The following MICU1 variants were observed in gnomAD, a reference collection of about 807,000 sequenced individuals.
The protein encoded by MICU1 is calcium uptake protein 1, mitochondrial.
A neutral mutation model predicts 56.8 loss-of-function variants in MICU1; 45 were observed. That is an observed-to-expected ratio of 0.79 (90% CI 0.62 to 1.02). The LOEUF (loss-of-function observed/expected upper bound fraction) is 1.02, where lower values mean the gene tolerates loss of function less well. Ranked by LOEUF, MICU1 falls within the 50% of genes least tolerant of loss-of-function variation. MICU1 has a pLI of 0.00. For missense variants in MICU1, 504 were observed against 587.1 expected, an observed-to-expected ratio of 0.86 and a Z score of 1.46; for synonymous variants, 186 against 195.1, an observed-to-expected ratio of 0.95 and a Z score of 0.39.
At chr10:72,525,695 G>A (rs2132393911) in intron 5 of MICU1, among the ~76,000 whole-genome samples, 1 of 152,286 alleles carries the variant, frequency 6.6e-6, no homozygotes, top group Non-Finnish European at 1.5e-5. Flanking sequence ...TATGATAGCA[G>A]AGAACTCCTT....
chr10:72,429,944 T>C (rs1473653339), intron 8 of MICU1, among the ~76,000 whole-genome samples: 1 of 152,204 alleles, frequency 6.6e-6, no homozygotes, highest in East Asian at 1.9e-4. Flanking sequence ...GAGAAATTTC[T>C]CTCTGGTCTC....
intron 1 of MICU1, among the ~76,000 whole-genome samples, chr10:72,611,427 C>T (rs1462645822): frequency 6.6e-6 from 1 of 152,020 alleles, no homozygotes; most frequent in Non-Finnish European, 1.5e-5. Context: ...GCCTGGCCAA[C>T]ATGGCGAAAC....
At chr10:72,580,901 G>T (rs181916321) in intron 1 of MICU1, among the ~76,000 whole-genome samples, 3 of 152,224 alleles carry the variant, frequency 2.0e-5, no homozygotes, top group Admixed American at 6.5e-5. Flanking sequence ...TATTCCAGAA[G>T]TTTCATCTTC....
intron 4 of MICU1, among the ~76,000 whole-genome samples, chr10:72,535,363 G>A (rs2132414177): frequency 6.6e-6 from 1 of 152,138 alleles, no homozygotes; most frequent in Non-Finnish European, 1.5e-5. Flanking sequence ...ACTGTCAAAA[G>A]ATGAGGATAA....
At chr10:72,448,119 ATATGTGTGTGTG>A (rs1422702972) in intron 8 of MICU1, among the ~76,000 whole-genome samples, 1 of 47,648 alleles carries the variant, frequency 2.1e-5, no homozygotes, top group African/African-American at 4.6e-5. Flanking sequence ...AAGTTTATAT[ATATGTGTGTGTG>A]TGTGTGTGTG....
At chr10:72,374,840 A>T (rs11000275) in intron 11 of MICU1, among the ~76,000 whole-genome samples, 1 of 116,910 alleles carries the variant, frequency 8.6e-6, no homozygotes, top group Admixed American at 9.4e-5. Flanking sequence ...TTTTTGAGAT[A>T]GAGTCTCGCT....
At position 72,567,864 on chromosome 10, in the gene MICU1, T is replaced by C. The variant is rs183831137; in HGVS notation, c.-1-1070A>G. ...TCTCTCTACTGACAAAGTTTAACAG[T>C]AACTGGCAAGGGAAAAACTTCCAGT... On this transcript the variant is annotated intron_variant, in intron 1 of 11. Coordinates refer to ENST00000361114, the MANE Select transcript of MICU1 (RefSeq NM_001195518.2). Among the ~76,000 whole-genome samples, 108 of 152,142 alleles carry C rather than the reference T, an allele frequency of 7.1e-4. 1 individual carries two copies. The highest frequency in any genetic ancestry group is 2.1e-3 in the South Asian group (10 of 4,822).
intron 1 of MICU1, among the ~76,000 whole-genome samples, chr10:72,622,526 C>T (rs1294141480): frequency 6.6e-6 from 1 of 152,154 alleles, no homozygotes; most frequent in Admixed American, 6.6e-5. Flanking sequence ...TACAGTGGTG[C>T]GCTGGAACTG....
chr10:72,476,466 TC>T (rs1253630944), intron 7 of MICU1, among the ~76,000 whole-genome samples: 1 of 151,982 alleles, frequency 6.6e-6, no homozygotes, highest in African/African-American at 2.4e-5. Flanking sequence ...CCTCAAGTGG[TC>T]CCCCAACCGC....
At chr10:72,568,815 C>A (rs1840514185) in intron 1 of MICU1, among the ~76,000 whole-genome samples, 1 of 134,854 alleles carries the variant, frequency 7.4e-6, no homozygotes, top group South Asian at 2.3e-4. Context: ...TACAGTGGCG[C>A]AATCTCGGCT....
intron 5 of MICU1, among the ~76,000 whole-genome samples, chr10:72,518,340 CT>C (rs1564914990): frequency 6.6e-6 from 1 of 151,610 alleles, no homozygotes; most frequent in Non-Finnish European, 1.5e-5. Context: ...GGCCTGTTTT[CT>C]TTTTTAAAAA....
chr10:72,410,283 T>C (rs1005001655), intron 9 of MICU1, among the ~76,000 whole-genome samples: 5 of 152,218 alleles, frequency 3.3e-5, no homozygotes, highest in African/African-American at 1.2e-4. Context: ...TTGGCAATTA[T>C]GAACAGTGAT....
At chr10:72,418,665 C>T (rs1372388975) in intron 9 of MICU1, among the ~76,000 whole-genome samples, 4 of 152,160 alleles carry the variant, frequency 2.6e-5, no homozygotes, top group Non-Finnish European at 4.4e-5. Flanking sequence ...TTGTTTGATA[C>T]CTTGATACAG....
chr10:72,539,930 A>G (rs1360517028), intron 4 of MICU1, among the ~76,000 whole-genome samples: 4 of 152,198 alleles, frequency 2.6e-5, no homozygotes, highest in Non-Finnish European at 1.5e-5. Context: ...GTGAAGAGGA[A>G]TGTACTCTAT....
At chr10:72,378,649 C>T (rs1221419102) in intron 10 of MICU1, among the ~76,000 whole-genome samples, 1 of 152,160 alleles carries the variant, frequency 6.6e-6, no homozygotes, top group African/African-American at 2.4e-5. Context: ...ACAGTGCCCC[C>T]AACATCAGCA....
At chr10:72,616,208 T>C (rs1841976034) in intron 1 of MICU1, among the ~76,000 whole-genome samples, 1 of 152,164 alleles carries the variant, frequency 6.6e-6, no homozygotes, top group Non-Finnish European at 1.5e-5. Context: ...ATGCCAGACA[T>C]TGTGAATTTT....
intron 8 of MICU1, among the ~76,000 whole-genome samples, chr10:72,461,860 G>C (rs1450119841): frequency 6.6e-6 from 1 of 152,206 alleles, no homozygotes; most frequent in Non-Finnish European, 1.5e-5. Flanking sequence ...TGAGGCAGGA[G>C]AAGTGCTTGA....
intron 8 of MICU1, among the ~76,000 whole-genome samples, chr10:72,425,862 G>C (rs1864329983): frequency 6.6e-6 from 1 of 152,096 alleles, no homozygotes; most frequent in African/African-American, 2.4e-5. Context: ...CTATGCTAAG[G>C]CTAGGGAACT....
chr10:72,371,229 CA>C (rs944891155), intron 11 of MICU1, among the ~76,000 whole-genome samples: 3 of 145,570 alleles, frequency 2.1e-5, no homozygotes, highest in Middle Eastern at 3.8e-3. Flanking sequence ...ACTAAAAATA[CA>C]AAAAAAAATA....
Sources: allele counts gnomAD v4.1 joint callset (sites outside exome capture counted in the v4.1 genomes callset), GRCh38; gene constraint gnomAD v4.1.1; transcripts MANE v1.5; gene names NCBI Gene and HGNC (gene_info 2026-07-23, HGNC 2026-07-21).